Variants in SH3BGRL observed in about 807,000 individuals in gnomAD.
SH3BGRL encodes adapter SH3BGRL.
A neutral mutation model predicts 9.8 loss-of-function variants in SH3BGRL; 7 were observed. That is an observed-to-expected ratio of 0.72 (90% CI 0.41 to 1.35). The LOEUF (loss-of-function observed/expected upper bound fraction) is 1.35. SH3BGRL is among the 40% of genes most tolerant of loss of function. The pLI, the probability that SH3BGRL is intolerant of heterozygous loss-of-function variation, is 0.01. For synonymous variants in SH3BGRL, 36 were observed against 29.1 expected (o/e 1.24, Z -0.76); for missense variants, 73 against 84.4 (o/e 0.86, Z 0.53).
chrX:81,206,786 A>T (rs1249550100), intron 1 of SH3BGRL, among the ~76,000 whole-genome samples: 1 of 111,747 alleles, frequency 8.9e-6, no homozygotes, highest in Non-Finnish European at 1.9e-5. Flanking sequence ...GATAGAGAAG[A>T]CCTACACAGT....
intron 1 of SH3BGRL, among the ~76,000 whole-genome samples, chrX:81,218,136 T>C (rs1044496913): frequency 1.8e-5 from 2 of 110,958 alleles, no homozygotes; most frequent in South Asian, 3.7e-4. Context: ...TAAGTTCATA[T>C]GAGTCCTTAT....
At chrX:81,226,276 C>T (rs1319805419) in intron 1 of SH3BGRL, among the ~76,000 whole-genome samples, 1 of 110,147 alleles carries the variant, frequency 9.1e-6, no homozygotes, top group Non-Finnish European at 1.9e-5. Flanking sequence ...GGTAAGATCC[C>T]TGGCATGTCT....
At chrX:81,267,333 G>A (rs1481399760) in intron 1 of SH3BGRL, among the ~76,000 whole-genome samples, 1 of 111,694 alleles carries the variant, frequency 9.0e-6, no homozygotes, top group Non-Finnish European at 1.9e-5. Context: ...GTATGACATC[G>A]GCTGTGGGTT....
chrX:81,255,216 A>T (rs1301478971), intron 1 of SH3BGRL, among the ~76,000 whole-genome samples: 1 of 111,972 alleles, frequency 8.9e-6, no homozygotes, highest in Non-Finnish European at 1.9e-5. Flanking sequence ...CAAAATTGCA[A>T]TCATCCTATG....
intron 1 of SH3BGRL, among the ~76,000 whole-genome samples, chrX:81,230,615 G>C (rs1315334017): frequency 8.9e-6 from 1 of 112,200 alleles, no homozygotes; most frequent in Non-Finnish European, 1.9e-5. Context: ...TCCCTGGTGT[G>C]GCCAGAACAG....
At chrX:81,244,659 T>A (rs1693815929) in intron 1 of SH3BGRL, among the ~76,000 whole-genome samples, 1 of 111,812 alleles carries the variant, frequency 8.9e-6, no homozygotes, top group African/African-American at 3.3e-5. Context: ...TTTAATTTTC[T>A]TATTATACTT....
intron 1 of SH3BGRL, among the ~76,000 whole-genome samples, chrX:81,211,553 C>G (rs899314164): frequency 9.9e-5 from 11 of 110,699 alleles, no homozygotes; most frequent in African/African-American, 3.3e-4. Context: ...TGCCACTGCA[C>G]TCCAGCCTGG....
chrX:81,229,767 A>C (rs1345325419), intron 1 of SH3BGRL, among the ~76,000 whole-genome samples: 1 of 111,472 alleles, frequency 9.0e-6, no homozygotes, highest in Non-Finnish European at 1.9e-5. Context: ...ATGCGTGCCC[A>C]GTAGGGTCTC....
intron 3 of SH3BGRL, among the ~76,000 whole-genome samples, chrX:81,291,553 T>C (rs942652483): frequency 4.5e-5 from 5 of 111,754 alleles, no homozygotes; most frequent in African/African-American, 1.6e-4. Context: ...ATTATGCCTC[T>C]GGCCCCTCCC....
chrX:81,245,669 T>G (rs1391999611), intron 1 of SH3BGRL, among the ~76,000 whole-genome samples: 1 of 111,864 alleles, frequency 8.9e-6, no homozygotes, highest in East Asian at 2.8e-4. Context: ...CTGTACCATG[T>G]TAGTTTTCTT....
chrX:81,259,262 G>C (rs1342212464), intron 1 of SH3BGRL, among the ~76,000 whole-genome samples: 1 of 112,106 alleles, frequency 8.9e-6, no homozygotes, highest in East Asian at 2.8e-4. Flanking sequence ...AAGCACTGTA[G>C]CATTTGTAGG....
chrX:81,253,231 AT>A (rs1371764983), intron 1 of SH3BGRL, among the ~76,000 whole-genome samples: 2 of 112,600 alleles, frequency 1.8e-5, no homozygotes, highest in African/African-American at 6.4e-5. Flanking sequence ...GATCACAATA[AT>A]TGATTTCACA....
At chrX:81,221,943 T>C (rs181825299) in intron 1 of SH3BGRL, among the ~76,000 whole-genome samples, 8 of 111,889 alleles carry the variant, frequency 7.1e-5, no homozygotes, top group Admixed American at 9.4e-5. Context: ...GAAGCATATG[T>C]ATAGAAGGGA....
At chrX:81,226,671 C>A (rs1456505996) in intron 1 of SH3BGRL, among the ~76,000 whole-genome samples, 1 of 106,441 alleles carries the variant, frequency 9.4e-6, no homozygotes, top group Non-Finnish European at 1.9e-5. Context: ...TAACAACGGT[C>A]TTTTTAGTAG....
intron 1 of SH3BGRL, among the ~76,000 whole-genome samples, chrX:81,240,272 A>C (rs1202885868): frequency 5.3e-5 from 6 of 112,214 alleles, no homozygotes; most frequent in African/African-American, 3.2e-5. Context: ...GTTAAAAAGC[A>C]GGTGGATGGT....
intron 1 of SH3BGRL, among the ~76,000 whole-genome samples, chrX:81,213,862 C>T (rs140063931): frequency 0.012 from 1,386 of 111,858 alleles, 25 homozygotes; most frequent in East Asian, 0.076. Flanking sequence ...TTTGCAGCTG[C>T]TAGATGGAAA....
intron 1 of SH3BGRL, among the ~76,000 whole-genome samples, chrX:81,272,539 C>T (rs1488099338): frequency 2.9e-5 from 3 of 103,131 alleles, no homozygotes; most frequent in African/African-American, 1.1e-4. Flanking sequence ...CTCGTTCTGC[C>T]GCCCAGGCTG....
At position 81,297,148 on chromosome X, in the gene SH3BGRL, G is replaced by T. The variant is rs200959876; in HGVS notation, c.313-47G>T. 38 of 1,128,993 alleles carry T rather than the reference G, an allele frequency of 3.4e-5. No individual in the cohort carries two copies. In the Admixed American group the frequency reaches 8.2e-4, roughly 24 times the overall value. 93.0% of individuals were successfully genotyped at this position (1,128,993 alleles called of 1,213,427 possible). A position where few individuals can be genotyped will look rare whatever the true frequency, so the allele number is the denominator to read the frequency against. On this transcript the variant is annotated intron_variant, in intron 3 of 3. Coordinates refer to ENST00000373212, the MANE Select transcript of SH3BGRL (RefSeq NM_003022.3). ...CTGACTAAAATACACATGGGTGTCT[G>T]CTCTGTGATGTTTAAACTTATCTGT...
intron 1 of SH3BGRL, among the ~76,000 whole-genome samples, chrX:81,206,555 A>G (rs1487394068): frequency 9.0e-6 from 1 of 111,515 alleles, no homozygotes; most frequent in Middle Eastern, 4.2e-3. Context: ...CAAGAAATGC[A>G]TCCTCCCAGT....
Sources: gnomAD v4.1 joint callset for allele counts (sites outside exome capture counted in the v4.1 genomes callset) on GRCh38, gnomAD v4.1.1 for gene constraint, MANE v1.5 for transcripts, NCBI Gene and HGNC (gene_info 2026-07-23, HGNC 2026-07-21) for gene names.